EDIL3: variants seen among roughly 807,000 people sequenced by gnomAD.
The protein encoded by EDIL3 is EGF like and discoidin domains 3.
In EDIL3, 37 loss-of-function variants were observed where a neutral mutation model predicts 67.4. The observed-to-expected ratio is 0.55, with a 90% CI of 0.42 to 0.72. EDIL3 has a LOEUF of 0.72. Among genes scored for constraint, EDIL3 ranks in the 30% least tolerant of loss-of-function variants. EDIL3 has a pLI of 0.00. For missense variants in EDIL3, 527 were observed against 586.3 expected (o/e 0.90, Z 1.04); for synonymous variants, 195 against 196.3 (o/e 0.99, Z 0.05).
intron 4 of EDIL3, among the ~76,000 whole-genome samples, chr5:84,146,590 C>G (rs1197190886): frequency 6.6e-6 from 1 of 152,082 alleles, no homozygotes; most frequent in Non-Finnish European, 1.5e-5. Context: ...TTCCCCAATC[C>G]CTTTATTCGT....
At chr5:83,963,558 C>T (rs1204781851) in intron 9 of EDIL3, among the ~76,000 whole-genome samples, 198 bp from the exon 10 acceptor site, 1 of 151,518 alleles carries the variant, frequency 6.6e-6, no homozygotes, top group Middle Eastern at 3.2e-3. Context: ...TAGTGCAAGA[C>T]TCCTTGAACA....
At chr5:84,100,979 T>C (rs1420291996) in intron 6 of EDIL3, among the ~76,000 whole-genome samples, 1 of 152,102 alleles carries the variant, frequency 6.6e-6, no homozygotes, top group Non-Finnish European at 1.5e-5. Flanking sequence ...AACCAAGTCA[T>C]CTCACTTTTA....
intron 9 of EDIL3, among the ~76,000 whole-genome samples, chr5:83,971,060 A>G (rs1744783121): frequency 6.6e-6 from 1 of 150,672 alleles, no homozygotes; most frequent in African/African-American, 2.4e-5. Flanking sequence ...TCATTTATTT[A>G]TTATTTTCCT....
At chr5:84,354,034 G>A (rs1426078588) in intron 1 of EDIL3, among the ~76,000 whole-genome samples, 1 of 152,022 alleles carries the variant, frequency 6.6e-6, no homozygotes, top group African/African-American at 2.4e-5. Context: ...CATAACTCTA[G>A]GCATGTGGAA....
intron 1 of EDIL3, among the ~76,000 whole-genome samples, chr5:84,265,032 T>C (rs1745319278): frequency 6.6e-6 from 1 of 152,186 alleles, no homozygotes; most frequent in Non-Finnish European, 1.5e-5. Context: ...TGATCACTTA[T>C]TAAGCAAAGT....
At chr5:84,222,653 G>A (rs1744365577) in intron 3 of EDIL3, among the ~76,000 whole-genome samples, 1 of 151,710 alleles carries the variant, frequency 6.6e-6, no homozygotes, top group Admixed American at 6.6e-5. Flanking sequence ...TAATATGATT[G>A]TCAAAAGGAT....
chr5:84,070,216 C>G (rs982463334), intron 6 of EDIL3, among the ~76,000 whole-genome samples: 1 of 152,150 alleles, frequency 6.6e-6, no homozygotes, highest in Non-Finnish European at 1.5e-5. Flanking sequence ...TCCGGTACAC[C>G]AAGGCAAGAA....
chr5:84,095,666 C>T (rs1412716105), intron 6 of EDIL3, among the ~76,000 whole-genome samples: 1 of 152,154 alleles, frequency 6.6e-6, no homozygotes, highest in African/African-American at 2.4e-5. Context: ...AGGCATTCAG[C>T]TTTATAAGGG....
At chr5:84,046,044 T>A (rs1312581478) in intron 9 of EDIL3, among the ~76,000 whole-genome samples, 1 of 152,220 alleles carries the variant, frequency 6.6e-6, no homozygotes, top group African/African-American at 2.4e-5. Flanking sequence ...ACATAATGTA[T>A]GAATAACAAA....
chr5:84,029,160 A>G (rs1232204936), intron 9 of EDIL3, among the ~76,000 whole-genome samples: 1 of 152,104 alleles, frequency 6.6e-6, no homozygotes, highest in Non-Finnish European at 1.5e-5. Flanking sequence ...TGGAGGCTGA[A>G]GCAAGAGAAT....
intron 9 of EDIL3, among the ~76,000 whole-genome samples, chr5:84,058,006 G>A (rs1375851135): frequency 6.6e-6 from 1 of 152,086 alleles, no homozygotes; most frequent in South Asian, 2.1e-4. Flanking sequence ...TAAGTCAGAC[G>A]TGGGCAGAAT....
intron 9 of EDIL3, chr5:84,048,179 C>T (rs1041697031): frequency 3.0e-5 from 12 of 399,048 alleles, no homozygotes; most frequent in Non-Finnish European, 4.9e-5. Flanking sequence ...AATATTGGAA[C>T]TGTGATTTGG....
intron 1 of EDIL3, among the ~76,000 whole-genome samples, chr5:84,280,466 G>A (rs1277371296): frequency 6.6e-6 from 1 of 152,072 alleles, no homozygotes; most frequent in Non-Finnish European, 1.5e-5. Flanking sequence ...TAAGTATGAT[G>A]TTGCCTTTAC....
chr5:84,307,567 G>A (rs539277443), intron 1 of EDIL3, among the ~76,000 whole-genome samples: 15 of 152,136 alleles, frequency 9.9e-5, no homozygotes, highest in Admixed American at 1.3e-4. Context: ...GAAACATTGC[G>A]CCAGCAACTG....
intron 3 of EDIL3, among the ~76,000 whole-genome samples, chr5:84,193,643 A>G (rs1435012293): frequency 1.3e-5 from 2 of 152,038 alleles, no homozygotes; most frequent in East Asian, 3.9e-4. Flanking sequence ...TAATAGCTAG[A>G]TATGGTCTAG....
At chr5:84,297,363 A>C (rs985712636) in intron 1 of EDIL3, among the ~76,000 whole-genome samples, 1 of 152,134 alleles carries the variant, frequency 6.6e-6, no homozygotes, top group African/African-American at 2.4e-5. Context: ...TGACAATTAT[A>C]AAAAATTTCA....
rs140028504 is a variant in EDIL3 at position 84,263,765 on chromosome 5, G to A, written c.68-9553C>T. Among the ~76,000 whole-genome samples, 236 of 152,272 alleles carry A rather than the reference G, an allele frequency of 1.5e-3. 1 individual carries two copies. The highest frequency in any genetic ancestry group is 5.5e-3 in the African/African-American group (229 of 41,560). On this transcript the variant is annotated intron_variant, in intron 1 of 10. Coordinates refer to ENST00000296591, the MANE Select transcript of EDIL3 (RefSeq NM_005711.5). ...AAACATCAGAAACCTGATGATGTAG[G>A]TGCTGATAGAAGCAACTACTAGAAA...
At chr5:84,121,311 A>G (rs1347599619) in intron 5 of EDIL3, among the ~76,000 whole-genome samples, 1 of 152,028 alleles carries the variant, frequency 6.6e-6, no homozygotes. Flanking sequence ...GAAGTTGTGA[A>G]TAAATGGTAT....
intron 1 of EDIL3, among the ~76,000 whole-genome samples, chr5:84,274,482 T>G (rs935078504): frequency 2.0e-5 from 3 of 152,150 alleles, no homozygotes; most frequent in Non-Finnish European, 4.4e-5. Context: ...TAGACCAATT[T>G]TCACAAATAT....
Sources: allele counts gnomAD v4.1 joint callset (sites outside exome capture counted in the v4.1 genomes callset), GRCh38; gene constraint gnomAD v4.1.1; transcripts MANE v1.5; gene names NCBI Gene and HGNC (gene_info 2026-07-23, HGNC 2026-07-21).